Variants in CBLB observed in about 807,000 individuals in gnomAD.
CBLB encodes E3 ubiquitin-protein ligase CBL-B.
In CBLB, 31 loss-of-function variants were observed where a neutral mutation model predicts 104.9. The observed-to-expected ratio is 0.30, with a 90% confidence interval of 0.22 to 0.40. The LOEUF (loss-of-function observed/expected upper bound fraction) is 0.40, where lower values mean the gene tolerates loss of function less well. Ranked by LOEUF, CBLB falls within the 10% of genes least tolerant of loss-of-function variation. CBLB has a pLI of 1.00. For synonymous variants in CBLB, 440 were observed against 422.6 expected, an observed-to-expected ratio of 1.04 and a Z score of -0.51; for missense variants, 1,062 against 1,214.6, an observed-to-expected ratio of 0.87 and a Z score of 1.87.
chr3:105,801,017 T>A (rs1270720057), intron 3 of CBLB, among the ~76,000 whole-genome samples: 1 of 151,780 alleles, frequency 6.6e-6, no homozygotes, highest in Admixed American at 6.6e-5. Context: ...AAAAAAAAAA[T>A]CTCGGGAAGA....
intron 3 of CBLB, among the ~76,000 whole-genome samples, chr3:105,840,872 G>GA (rs58785159): frequency 3.4e-5 from 5 of 146,086 alleles, no homozygotes; most frequent in Admixed American, 2.0e-4. Flanking sequence ...TATTACTCAA[G>GA]AAAAAAAAAA....
intron 4 of CBLB, among the ~76,000 whole-genome samples, chr3:105,770,102 A>G (rs1230972551): frequency 1.3e-5 from 2 of 150,490 alleles, no homozygotes; most frequent in African/African-American, 4.9e-5. Context: ...TTTTTTCAAG[A>G]TGGCAGACTG....
chr3:105,779,044 T>G (rs918412553), intron 3 of CBLB, among the ~76,000 whole-genome samples: 2 of 152,186 alleles, frequency 1.3e-5, no homozygotes, highest in South Asian at 2.1e-4. Context: ...AATTGATACA[T>G]ACAAAAGAAA....
intron 9 of CBLB, among the ~76,000 whole-genome samples, chr3:105,731,801 A>T (rs913620784): frequency 2.0e-5 from 3 of 152,172 alleles, no homozygotes; most frequent in African/African-American, 7.2e-5. Flanking sequence ...TTTACTAAAC[A>T]AATGTTTCTG....
At chr3:105,837,299 C>A (rs180933074) in intron 3 of CBLB, among the ~76,000 whole-genome samples, 1 of 152,280 alleles carries the variant, frequency 6.6e-6, no homozygotes, top group East Asian at 1.9e-4. Context: ...TAATACATAC[C>A]AAATGAAACT....
chr3:105,778,734 T>G (rs988615711), intron 3 of CBLB, among the ~76,000 whole-genome samples: 1 of 152,196 alleles, frequency 6.6e-6, no homozygotes, highest in Non-Finnish European at 1.5e-5. Context: ...CAGCCACTTT[T>G]GCACAACTCA....
intron 3 of CBLB, among the ~76,000 whole-genome samples, chr3:105,821,260 A>ATATCTATATCTATCTATC (rs1553834225): frequency 6.7e-6 from 1 of 149,402 alleles, no homozygotes. Flanking sequence ...ATCTATATCT[A>ATATCTATATCTATCTATC]TATCTATCTA....
chr3:105,711,711 G>A (rs1334691538), intron 10 of CBLB, among the ~76,000 whole-genome samples: 1 of 152,052 alleles, frequency 6.6e-6, no homozygotes, highest in Non-Finnish European at 1.5e-5. Context: ...AAACAGGAAA[G>A]TCCTCTGAAG....
intron 10 of CBLB, among the ~76,000 whole-genome samples, chr3:105,707,606 A>G (rs1257144135): frequency 6.6e-6 from 1 of 152,194 alleles, no homozygotes; most frequent in East Asian, 1.9e-4. Context: ...AAATTCAAAC[A>G]CTATGAAGAT....
chr3:105,735,427 CA>C (rs1412982278), intron 8 of CBLB, among the ~76,000 whole-genome samples: 1 of 151,810 alleles, frequency 6.6e-6, no homozygotes, highest in Admixed American at 6.6e-5. Context: ...GAAAAATATG[CA>C]ATTATAAAAA....
intron 5 of CBLB, among the ~76,000 whole-genome samples, chr3:105,750,704 T>C (rs1237734544): frequency 6.6e-6 from 1 of 152,178 alleles, no homozygotes; most frequent in African/African-American, 2.4e-5. Flanking sequence ...AAGAAAATGA[T>C]AGTATCCATA....
intron 17 of CBLB, 57 bp from the exon 18 acceptor site, chr3:105,670,409 G>A: frequency 7.1e-7 from 1 of 1,403,770 alleles, no homozygotes; most frequent in Non-Finnish European, 1.0e-6. Flanking sequence ...ATTGGCTGAA[G>A]AAAAAAATTC....
chr3:105,682,079 T>C, intron 14 of CBLB: 1 of 422,988 alleles, frequency 2.4e-6, no homozygotes, highest in South Asian at 2.9e-5. Context: ...GTTGATATCC[T>C]AAACACTATG....
At chr3:105,813,672 C>G (rs149090506) in intron 3 of CBLB, among the ~76,000 whole-genome samples, 1 of 152,068 alleles carries the variant, frequency 6.6e-6, no homozygotes, top group Non-Finnish European at 1.5e-5. Flanking sequence ...TAATTTATCA[C>G]AGAAATATTA....
In CBLB at chr3:105,670,306, A is replaced by T. The variant is rs1017878883; in HGVS notation, c.2616T>A (p.Ala872=). The T allele has an allele frequency of 6.2e-7, 1 of 1,611,252 alleles. No individual in the cohort carries two copies. The highest frequency in any genetic ancestry group is 8.5e-7 in the Non-Finnish European group (1 of 1,177,534). The change falls in exon 18 of 19, where the codon GCT becomes GCA. Residue 872 remains alanine, a synonymous_variant. Transcript: ENST00000394030. ...TGACATTTTCACCTGGTAACCTTCT[A>T]GCAGGAGGCAAAGGAACTTGGCCAC... is the stretch of plus-strand genomic sequence containing the variant. ...LASGQVPLPP[A]RRLPGENVKT... is the part of the protein sequence containing the mutation.
intron 6 of CBLB, among the ~76,000 whole-genome samples, chr3:105,741,817 C>T (rs2075624154): frequency 6.6e-6 from 1 of 152,226 alleles, no homozygotes; most frequent in Non-Finnish European, 1.5e-5. Flanking sequence ...CCGCACCCGG[C>T]CAACTGTTAA....
At chr3:105,797,388 T>C (rs905034753) in intron 3 of CBLB, among the ~76,000 whole-genome samples, 3 of 152,040 alleles carry the variant, frequency 2.0e-5, no homozygotes, top group Non-Finnish European at 4.4e-5. Context: ...TGTTTAGTTC[T>C]CTCCAAGAAC....
At chr3:105,677,618 C>A (rs2065812405) in intron 17 of CBLB, among the ~76,000 whole-genome samples, 2 of 151,768 alleles carry the variant, frequency 1.3e-5, no homozygotes, top group South Asian at 4.1e-4. Flanking sequence ...CACAGTATCA[C>A]TAACAAGACA....
chr3:105,786,001 T>C (rs931276235), intron 3 of CBLB, among the ~76,000 whole-genome samples: 2 of 126,818 alleles, frequency 1.6e-5, no homozygotes, highest in South Asian at 2.7e-4. Flanking sequence ...CTTTGAAGGA[T>C]GGGAGACATT....
Sources: gnomAD v4.1 joint callset for allele counts (sites outside exome capture counted in the v4.1 genomes callset) on GRCh38, gnomAD v4.1.1 for gene constraint, MANE v1.5 for transcripts, NCBI Gene and HGNC (gene_info 2026-07-23, HGNC 2026-07-21) for gene names.